Variants in DOCK3 observed in about 807,000 individuals in gnomAD.
DOCK3 encodes dedicator of cytokinesis 3.
Under a neutral mutation model 265.6 loss-of-function variants are expected in DOCK3, and 60 were observed. The ratio of observed to expected loss-of-function variants is 0.23; its 90% CI spans 0.18 to 0.28. The LOEUF is 0.28. Among genes scored for constraint, DOCK3 ranks in the 10% least tolerant of loss-of-function variants. The pLI, the probability that DOCK3 is intolerant of heterozygous loss-of-function variation, is 1.00. For missense variants in DOCK3, 1,981 were observed against 2,594.3 expected, an observed-to-expected ratio of 0.76 and a Z score of 5.14; for synonymous variants, 881 against 938.0, an observed-to-expected ratio of 0.94 and a Z score of 1.11.
At chr3:51,308,671 C>T (rs568284002) in intron 27 of DOCK3, among the ~76,000 whole-genome samples, 1 of 152,352 alleles carries the variant, frequency 6.6e-6, no homozygotes, top group East Asian at 1.9e-4. Flanking sequence ...CCCCACCTTT[C>T]CCCCTTTTCT....
intron 27 of DOCK3, among the ~76,000 whole-genome samples, chr3:51,304,712 G>A (rs1366903250): frequency 1.3e-5 from 2 of 152,222 alleles, no homozygotes; most frequent in African/African-American, 4.8e-5. Context: ...TGGTGGTGGG[G>A]GGCCCCCTTA....
chr3:50,796,935 C>G (rs548012355), intron 2 of DOCK3, among the ~76,000 whole-genome samples: 1 of 151,998 alleles, frequency 6.6e-6, no homozygotes, highest in South Asian at 2.1e-4. Flanking sequence ...TGACTTTGCT[C>G]TCTGACTCCT....
chr3:51,115,856 G>C (rs904662232), intron 9 of DOCK3, among the ~76,000 whole-genome samples: 29 of 152,040 alleles, frequency 1.9e-4, no homozygotes, highest in African/African-American at 6.3e-4. Context: ...TCAGTTTTCT[G>C]CATATGGCTA....
intron 4 of DOCK3, among the ~76,000 whole-genome samples, chr3:50,904,505 G>GA (rs1433991154): frequency 6.6e-6 from 1 of 152,184 alleles, no homozygotes; most frequent in Non-Finnish European, 1.5e-5. Flanking sequence ...GCATTTCTCT[G>GA]ATGACCAGTG....
intron 5 of DOCK3, among the ~76,000 whole-genome samples, chr3:50,936,430 G>A (rs534141920): frequency 6.6e-6 from 1 of 151,580 alleles, no homozygotes; most frequent in South Asian, 2.1e-4. Flanking sequence ...CAGTTTGGCG[G>A]AAGACATAAG....
intron 9 of DOCK3, among the ~76,000 whole-genome samples, chr3:51,136,730 G>C (rs996525295): frequency 6.6e-6 from 1 of 152,034 alleles, no homozygotes; most frequent in African/African-American, 2.4e-5. Flanking sequence ...AAAGAGGAAG[G>C]CTAGAAAGAA....
At chr3:51,304,801 A>C (rs1425383324) in intron 27 of DOCK3, among the ~76,000 whole-genome samples, 1 of 152,142 alleles carries the variant, frequency 6.6e-6, no homozygotes, top group Non-Finnish European at 1.5e-5. Context: ...CCACCTAGTC[A>C]GTCCCAGTGA....
At chr3:50,783,140 G>A (rs1314394287) in intron 2 of DOCK3, among the ~76,000 whole-genome samples, 2 of 152,082 alleles carry the variant, frequency 1.3e-5, no homozygotes, top group Admixed American at 6.6e-5. Flanking sequence ...ATAAACATGC[G>A]TGTGCATGCG....
At chr3:51,066,728 G>A (rs1304259826) in intron 6 of DOCK3, among the ~76,000 whole-genome samples, 1 of 152,144 alleles carries the variant, frequency 6.6e-6, no homozygotes, top group Non-Finnish European at 1.5e-5. Flanking sequence ...ATCAACAGTA[G>A]ATCACACCCA....
Position 50,836,213 on chromosome 3 carries a change from G to A in DOCK3, c.122-5462G>A, listed in dbSNP as rs145001688. On this transcript the variant is annotated intron_variant, in intron 2 of 52. Coordinates refer to ENST00000266037, the MANE Select transcript of DOCK3 (RefSeq NM_004947.5). ...TGACAGCTCCACTAAGCAGTGCCCC[G>A]GGGGGGACTCCATGTGGGGGCTCTT... Among the ~76,000 whole-genome samples, 602 of 152,216 alleles carry A rather than the reference G, an allele frequency of 4.0e-3. 18 individuals carry two copies. Among genetic ancestry groups the A allele is most frequent in the Admixed American group, 0.034 (526 of 15,288 alleles).
At chr3:51,051,790 G>A (rs1236637605) in intron 5 of DOCK3, among the ~76,000 whole-genome samples, 1 of 152,134 alleles carries the variant, frequency 6.6e-6, no homozygotes, top group African/African-American at 2.4e-5. Context: ...AGCTTCTGGG[G>A]AGGCCTCAGG....
intron 7 of DOCK3, among the ~76,000 whole-genome samples, chr3:51,078,066 A>C (rs551831912): frequency 6.6e-4 from 32 of 48,350 alleles, no homozygotes; most frequent in African/African-American, 1.5e-3. Context: ...AAAAAGAGAG[A>C]GACAGAGAGA....
At chr3:51,182,369 T>C (rs758276534) in intron 12 of DOCK3, among the ~76,000 whole-genome samples, 2 of 152,180 alleles carry the variant, frequency 1.3e-5, no homozygotes, top group Non-Finnish European at 2.9e-5. Context: ...TGCTATTAGG[T>C]TGGTGCAAAA....
intron 12 of DOCK3, among the ~76,000 whole-genome samples, chr3:51,205,339 T>C (rs2089126483): frequency 6.6e-6 from 1 of 151,912 alleles, no homozygotes; most frequent in African/African-American, 2.4e-5. Context: ...AAGAGTAAGA[T>C]AGAGAGGCAT....
intron 4 of DOCK3, among the ~76,000 whole-genome samples, chr3:50,906,144 G>A (rs1476424084): frequency 1.3e-5 from 2 of 152,030 alleles, no homozygotes; most frequent in Non-Finnish European, 2.9e-5. Flanking sequence ...GCTTTTTGAT[G>A]TGCTGCTGGA....
chr3:51,254,142 A>G (rs1377463742), intron 22 of DOCK3, among the ~76,000 whole-genome samples: 1 of 152,146 alleles, frequency 6.6e-6, no homozygotes, highest in African/African-American at 2.4e-5. Flanking sequence ...GTCATTCAGG[A>G]GTAGGTTGTT....
At chr3:50,979,657 A>G (rs2077619059) in intron 5 of DOCK3, among the ~76,000 whole-genome samples, 2 of 152,238 alleles carry the variant, frequency 1.3e-5, no homozygotes, top group African/African-American at 4.8e-5. Flanking sequence ...CACAAAACAA[A>G]TAAGCCTCTT....
At chr3:50,712,639 C>T (rs541047669) in intron 1 of DOCK3, among the ~76,000 whole-genome samples, 3 of 152,248 alleles carry the variant, frequency 2.0e-5, no homozygotes, top group African/African-American at 7.2e-5. Flanking sequence ...TGTCCGGCCG[C>T]CTCTTGTAAG....
chr3:50,977,934 A>T (rs28822172), intron 5 of DOCK3, among the ~76,000 whole-genome samples: 2 of 152,034 alleles, frequency 1.3e-5, no homozygotes, highest in African/African-American at 4.8e-5. Context: ...AGTTGATCGC[A>T]TCGGCTCCTG....
Sources: gnomAD v4.1 joint callset for allele counts (sites outside exome capture counted in the v4.1 genomes callset) on GRCh38, gnomAD v4.1.1 for gene constraint, MANE v1.5 for transcripts, NCBI Gene and HGNC (gene_info 2026-07-23, HGNC 2026-07-21) for gene names.